TNKS: variants seen among roughly 807,000 people sequenced by gnomAD.
The protein encoded by TNKS is poly [ADP-ribose] polymerase tankyrase-1.
In TNKS, 72 loss-of-function variants were observed where a neutral mutation model predicts 135.8. The ratio of observed to expected loss-of-function variants is 0.53; its 90% confidence interval spans 0.44 to 0.64. The LOEUF is 0.64. TNKS is among the 30% of genes least tolerant of loss of function. The probability of loss-of-function intolerance (pLI) is 0.00; values close to 1 mark genes in which losing one functional copy is unlikely to be tolerated. For synonymous variants in TNKS, 849 were observed against 649.3 expected (o/e 1.31, Z -4.68); for missense variants, 1,769 against 1,674.0 (o/e 1.06, Z -0.99).
intron 3 of TNKS, among the ~76,000 whole-genome samples, chr8:9,651,782 G>A (rs1801157547): frequency 6.6e-6 from 1 of 152,106 alleles, no homozygotes; most frequent in African/African-American, 2.4e-5. Flanking sequence ...ATATCCTGTT[G>A]GAAATAGTCA....
intron 3 of TNKS, among the ~76,000 whole-genome samples, chr8:9,647,941 GT>G (rs1202431554): frequency 1.3e-5 from 2 of 152,166 alleles, no homozygotes; most frequent in Non-Finnish European, 2.9e-5. Context: ...TGTACAGCAT[GT>G]TACTCCACTG....
intron 5 of TNKS, among the ~76,000 whole-genome samples, chr8:9,699,789 T>C (rs1483969426): frequency 1.3e-5 from 2 of 152,170 alleles, no homozygotes; most frequent in Non-Finnish European, 2.9e-5. Flanking sequence ...CTCTTCAGCT[T>C]TATTCTCCAC....
intron 3 of TNKS, among the ~76,000 whole-genome samples, chr8:9,626,793 T>C (rs1030248286): frequency 2.6e-5 from 4 of 152,210 alleles, no homozygotes; most frequent in African/African-American, 4.8e-5. Context: ...GTCAGTGTAC[T>C]TGCTTGGGAA....
chr8:9,570,191 G>C (rs1391659686), intron 1 of TNKS, among the ~76,000 whole-genome samples: 1 of 152,106 alleles, frequency 6.6e-6, no homozygotes, highest in Non-Finnish European at 1.5e-5. Flanking sequence ...TGTAATCCCA[G>C]CACTTTGGGA....
intron 17 of TNKS, among the ~76,000 whole-genome samples, chr8:9,740,461 T>C (rs1805881995): frequency 6.6e-6 from 1 of 152,208 alleles, no homozygotes; most frequent in Non-Finnish European, 1.5e-5. Flanking sequence ...GTAATGAGAC[T>C]GTCGTCTCTC....
intron 26 of TNKS, among the ~76,000 whole-genome samples, chr8:9,770,906 C>T (rs973527523): frequency 1.1e-4 from 16 of 151,748 alleles, no homozygotes; most frequent in Non-Finnish European, 2.2e-4. Context: ...AGCACATGAG[C>T]GGATGTGTTG....
chr8:9,769,286 A>G (rs1363561186), intron 25 of TNKS, among the ~76,000 whole-genome samples: 2 of 152,196 alleles, frequency 1.3e-5, no homozygotes, highest in African/African-American at 4.8e-5. Context: ...CCCCTGGTGT[A>G]TATAATAGAC....
Position 9,559,570 on chromosome 8 carries a change from G to A in TNKS, c.673+2958G>A, listed in dbSNP as rs567939778. Among the ~76,000 whole-genome samples the A allele has an allele frequency of 6.7e-5, 10 of 148,576 alleles. No individual in the cohort carries two copies. In the East Asian group the frequency reaches 2.0e-3, roughly 30 times the overall value. On this transcript the variant is annotated intron_variant, in intron 1 of 26. Coordinates refer to ENST00000310430, the MANE Select transcript of TNKS (RefSeq NM_003747.3). ...TAGGCAATGAGCATAGTAGCAGATA[G>A]GTAGTTTTTTGATTTTCAGCCTCCC... is the stretch of plus-strand genomic sequence containing the variant.
chr8:9,568,602 A>G (rs1285924080), intron 1 of TNKS, among the ~76,000 whole-genome samples: 1 of 152,234 alleles, frequency 6.6e-6, no homozygotes, highest in African/African-American at 2.4e-5. Context: ...AATAATGAGA[A>G]GCAGCATTAT....
At chr8:9,623,995 C>T (rs1799962561) in intron 3 of TNKS, among the ~76,000 whole-genome samples, 1 of 151,898 alleles carries the variant, frequency 6.6e-6, no homozygotes, top group South Asian at 2.1e-4. Flanking sequence ...GAGCAAGAGA[C>T]ATCGTCTCAA....
intron 26 of TNKS, among the ~76,000 whole-genome samples, chr8:9,771,312 A>AG (rs1563225117): frequency 5.9e-5 from 7 of 118,100 alleles, no homozygotes; most frequent in African/African-American, 2.5e-4. Flanking sequence ...GGAAGGAAGG[A>AG]AGAGAGAAGA....
rs1015942459 is a variant in TNKS at position 9,575,321 on chromosome 8, G to T, written c.674-4838G>T. The T allele has an allele frequency of 1.4e-5, 12 of 850,112 alleles. No homozygotes were observed. In the Admixed American group the frequency reaches 3.1e-4, roughly 22 times the overall value. 52.7% of individuals were successfully genotyped at this position (850,112 alleles called of 1,614,324 possible). A position where few individuals can be genotyped will look rare whatever the true frequency, so the allele number is the denominator to read the frequency against. On this transcript the variant is annotated intron_variant, in intron 1 of 26. Transcript: ENST00000310430. ...AGGATGGTCTCGATTTCCTGACCTC[G>T]TGATCCGCCTGCTTCGGCCTCCCTA...
chr8:9,769,522 A>G (rs1439165459), intron 25 of TNKS, among the ~76,000 whole-genome samples: 1 of 145,408 alleles, frequency 6.9e-6, no homozygotes, highest in Admixed American at 6.8e-5. Flanking sequence ...TATTTTCTTC[A>G]CTTTCCACCT....
rs374610047 is a variant in TNKS at position 9,751,727 on chromosome 8, C to G, written c.2951C>G (p.Ser984Cys). The G allele has an allele frequency of 1.2e-6, 2 of 1,614,220 alleles. No individual in the cohort carries two copies. The change falls in exon 19 of 27, where the codon TCC becomes TGC. Residue 984 changes from serine (S) to cysteine (C), a missense_variant. Ser to Cys is a moderately radical substitution (Grantham distance 112). Coordinates refer to ENST00000310430, the MANE Select transcript of TNKS (RefSeq NM_003747.3). Reference sequence around the variant, plus strand: ...CTGATCTCACCAGCATCCACCCCCTCCTGCCTCTCGGCTGCCAGCAGCATA... The same window carrying G: ...CTGATCTCACCAGCATCCACCCCCTGCTGCCTCTCGGCTGCCAGCAGCATA... Reference protein sequence around the residue: ...ASLISPASTPSCLSAASSIDN... With the variant: ...ASLISPASTPCCLSAASSIDN...
intron 11 of TNKS, among the ~76,000 whole-genome samples, chr8:9,710,858 T>A (rs1478610674): frequency 6.6e-6 from 1 of 152,086 alleles, no homozygotes; most frequent in Non-Finnish European, 1.5e-5. Flanking sequence ...ATTGCGCCAC[T>A]ACACTCCAGC....
At chr8:9,751,137 C>G (rs1366273357) in intron 18 of TNKS, among the ~76,000 whole-genome samples, 1 of 152,176 alleles carries the variant, frequency 6.6e-6, no homozygotes, top group Non-Finnish European at 1.5e-5. Context: ...TCTTTGGAGA[C>G]TATCTCCCGC....
chr8:9,731,761 A>G (rs1585389151), intron 14 of TNKS, among the ~76,000 whole-genome samples: 1 of 152,026 alleles, frequency 6.6e-6, no homozygotes. Flanking sequence ...ATGCTTGTAT[A>G]TAGTATTTTA....
chr8:9,588,379 A>G (rs1798466944), intron 2 of TNKS, among the ~76,000 whole-genome samples: 1 of 151,970 alleles, frequency 6.6e-6, no homozygotes, highest in Non-Finnish European at 1.5e-5. Flanking sequence ...GGTTCACGCC[A>G]TGCTCTTGCC....
chr8:9,558,937 T>A (rs1393359397), intron 1 of TNKS: 2 of 152,164 alleles, frequency 1.3e-5, no homozygotes, highest in Non-Finnish European at 2.9e-5. Context: ...ATGAAAAAAA[T>A]TATCAGTTGA....
Sources: gnomAD v4.1 joint callset for allele counts (sites outside exome capture counted in the v4.1 genomes callset) on GRCh38, gnomAD v4.1.1 for gene constraint, MANE v1.5 for transcripts, NCBI Gene and HGNC (gene_info 2026-07-23, HGNC 2026-07-21) for gene names.